PIWIL3: variants seen among roughly 807,000 people sequenced by gnomAD.
PIWIL3 encodes the protein piwi like RNA-mediated gene silencing 3, also known as piwi-like protein 3.
A neutral mutation model predicts 109.7 loss-of-function variants in PIWIL3; 101 were observed. The observed-to-expected ratio is 0.92, with a 90% CI of 0.78 to 1.09. PIWIL3 has a LOEUF of 1.09. PIWIL3 is among the 50% of genes least tolerant of loss of function. PIWIL3 has a pLI of 0.00. For missense variants in PIWIL3, 1,031 were observed against 1,072.6 expected (o/e 0.96, Z 0.54); for synonymous variants, 373 against 376.4 (o/e 0.99, Z 0.10).
At chr22:24,724,160 C>T (rs924058684) in intron 18 of PIWIL3, among the ~76,000 whole-genome samples, 2 of 152,162 alleles carry the variant, frequency 1.3e-5, no homozygotes, top group Non-Finnish European at 2.9e-5. Context: ...CTTCCCGGCG[C>T]TCCCCCACCC....
intron 9 of PIWIL3, 25 bp from the exon 10 acceptor site, chr22:24,749,844 A>G: frequency 6.2e-7 from 1 of 1,614,028 alleles, no homozygotes; most frequent in Non-Finnish European, 8.5e-7. Flanking sequence ...AGAGACCAGC[A>G]TGACCATCAG....
chr22:24,748,873 C>A lies in PIWIL3; in HGVS notation c.1449+34G>T, dbSNP rs373192936. ...TTTTTGCTTTACTCTTCATTTGACC[C>A]CACCATGACATGATGATTTTGAAAC... On this transcript the variant is annotated intron_variant, in intron 12 of 20. Coordinates refer to ENST00000616349, the MANE Select transcript of PIWIL3 (RefSeq NM_001255975.1). 110 of 1,527,030 alleles carry A rather than the reference C, an allele frequency of 7.2e-5. 1 individual carries two copies. Among genetic ancestry groups the A allele is most frequent in the Non-Finnish European group, 9.7e-5 (108 of 1,117,406 alleles). 94.6% of individuals were successfully genotyped at this position (1,527,030 alleles called of 1,614,324 possible). A position where few individuals can be genotyped will look rare whatever the true frequency, so the allele number is the denominator to read the frequency against.
chr22:24,770,634 C>A (rs1043690523), intron 1 of PIWIL3, among the ~76,000 whole-genome samples: 2 of 147,302 alleles, frequency 1.4e-5, no homozygotes, highest in Admixed American at 6.8e-5. Flanking sequence ...ACCAGCCTGG[C>A]CGACATGGTG....
Position 24,725,003 on chromosome 22 carries a change from C to T in PIWIL3, c.2115G>A (p.Ser705=), listed in dbSNP as rs148843024. The T allele has an allele frequency of 2.9e-5, 46 of 1,614,000 alleles. 1 individual carries two copies. The highest frequency in any genetic ancestry group is 1.6e-4 in the Middle Eastern group (1 of 6,084). The change falls in exon 18 of 21, where the codon TCG becomes TCA. Residue 705 remains serine, a synonymous_variant. Coordinates refer to ENST00000616349, the MANE Select transcript of PIWIL3 (RefSeq NM_001255975.1). ...GATACACAATAACAGAATGTGGCAT[C>T]GATGATTCGTTTTTACACCAGACAT... ...ALDVWCKNES[S]MPHSVIVYRD...
rs760486126 is a variant in PIWIL3, at chr22:24,743,191, C to T, written c.1449+5716G>A. Among the ~76,000 whole-genome samples, 75 of 151,904 alleles carry T rather than the reference C, an allele frequency of 4.9e-4. 1 individual carries two copies. Among genetic ancestry groups the T allele is most frequent in the Admixed American group, 2.2e-3 (34 of 15,262 alleles). ...CAACAATGGCAATTAAAAAAAAAAT[C>T]AAAAGACAGATGTTGACATGGATGT... On this transcript the variant is annotated intron_variant, in intron 12 of 20. Coordinates refer to ENST00000616349, the MANE Select transcript of PIWIL3 (RefSeq NM_001255975.1).
At chr22:24,733,689 C>G (rs535978746) in intron 14 of PIWIL3, among the ~76,000 whole-genome samples, 1 of 134,658 alleles carries the variant, frequency 7.4e-6, no homozygotes, top group Admixed American at 7.4e-5. Context: ...CAAAAACAAA[C>G]AAACAAACAA....
rs373353812 is a variant in PIWIL3 at position 24,724,886 on chromosome 22, C to T, written c.2231+1G>A. Reference sequence around the variant, plus strand: ...TACACATTACAATTAATACAACCTACTTGTTAGGAGAGATGGTTTTTAAGT... The same window carrying T: ...TACACATTACAATTAATACAACCTATTTGTTAGGAGAGATGGTTTTTAAGT... On this transcript the variant is annotated splice_donor_variant, in intron 18 of 20. Coordinates refer to ENST00000616349, the MANE Select transcript of PIWIL3 (RefSeq NM_001255975.1). LOFTEE classifies it high-confidence loss of function. 5 of 1,612,798 alleles carry T rather than the reference C, an allele frequency of 3.1e-6. No individual in the cohort carries two copies. In the African/African-American group the frequency reaches 5.3e-5, roughly 17 times the overall value.
At chr22:24,731,429 G>T (rs1923342384) in intron 14 of PIWIL3, among the ~76,000 whole-genome samples, 1 of 152,004 alleles carries the variant, frequency 6.6e-6, no homozygotes, top group African/African-American at 2.4e-5. Flanking sequence ...GAGGCGGGCA[G>T]ATCACAAGGT....
At chr22:24,759,767 C>T (rs1925302757) in intron 3 of PIWIL3, 102 bp downstream of exon 3, 21 of 1,539,954 alleles carry the variant, frequency 1.4e-5, no homozygotes, top group Non-Finnish European at 1.9e-5. Context: ...TCCCACCAAA[C>T]CTCACGGGAG....
chr22:24,745,717 GAAAAAA>G (rs71189273), intron 12 of PIWIL3, among the ~76,000 whole-genome samples: 1 of 80,252 alleles, frequency 1.2e-5, no homozygotes, highest in Non-Finnish European at 2.5e-5. Flanking sequence ...GTCAGACTAA[GAAAAAA>G]AAAAAAAAAA....
chr22:24,719,727 A>G, intron 20 of PIWIL3, 21 bp downstream of exon 20: 2 of 1,598,676 alleles, frequency 1.3e-6, no homozygotes. Context: ...TCTGAAGAAA[A>G]AAGTAACAAA....
chr22:24,728,473 A>G, intron 14 of PIWIL3, 99 bp from the exon 15 acceptor site: 1 of 1,382,178 alleles, frequency 7.2e-7, no homozygotes, highest in Non-Finnish European at 1.0e-6. Flanking sequence ...AAGACTAACA[A>G]GCTAGAGTCA....
intron 9 of PIWIL3, 124 bp downstream of exon 9, chr22:24,751,263 A>G: frequency 3.0e-6 from 3 of 991,940 alleles, no homozygotes; most frequent in Non-Finnish European, 4.4e-6. Context: ...AAGTCAAGCT[A>G]TAATCCCCTA....
chr22:24,765,436 G>A (rs979644805), intron 1 of PIWIL3, among the ~76,000 whole-genome samples: 3 of 152,214 alleles, frequency 2.0e-5, no homozygotes, highest in Admixed American at 1.3e-4. Context: ...TTTTGGTTCA[G>A]ACACCTGTTC....
intron 20 of PIWIL3, 60 bp downstream of exon 20, chr22:24,719,688 G>A: frequency 3.2e-6 from 5 of 1,563,642 alleles, no homozygotes; most frequent in Non-Finnish European, 4.4e-6. Context: ...GTCCAACATT[G>A]TTCAATGTTG....
At position 24,719,498 on chromosome 22, in the gene PIWIL3, A is replaced by C; in HGVS notation, c.2596T>G (p.Leu866Val). 1 of 1,596,370 alleles carries C rather than the reference A, an allele frequency of 6.3e-7. No homozygotes were observed. The highest frequency in any genetic ancestry group is 8.5e-7 in the Non-Finnish European group (1 of 1,173,966). ...CAAAGGTAAAAGAGACGAGTTGACAAGGAACGATTCGGTTCCTGGTGAATG... is the reference window on the plus strand; with the variant it reads ...CAAAGGTAAAAGAGACGAGTTGACACGGAACGATTCGGTTCCTGGTGAATG... ...QSIHQEPNRS[L>V]STRLFYL Residue 866 changes from leucine (L) to valine (V), a missense_variant, in exon 21 of 21, where the codon TTG becomes GTG. Coordinates refer to ENST00000616349, the MANE Select transcript of PIWIL3 (RefSeq NM_001255975.1).
At chr22:24,755,632 C>CAA in intron 6 of PIWIL3, 152 bp downstream of exon 6, 1 of 1,003,314 alleles carries the variant, frequency 1.0e-6, no homozygotes, top group Admixed American at 2.5e-5. Context: ...AGTTGAGCCT[C>CAA]AAGTATCATT....
Position 24,751,875 on chromosome 22 carries a change from T to C in PIWIL3, c.978-377A>G, listed in dbSNP as rs536658763. Among the ~76,000 whole-genome samples, 22 of 152,400 alleles carry C rather than the reference T, an allele frequency of 1.4e-4. No individual in the cohort carries two copies. The South Asian group carries it at 1.7e-3, about 11-fold the overall frequency. On this transcript the variant is annotated intron_variant, in intron 8 of 20. Transcript: ENST00000616349. ...GACTGGCTTCTTTCACTTAGCATCATGTTTAAGGTTCATCCATGCTGTAGT... is the reference window on the plus strand; with the variant it reads ...GACTGGCTTCTTTCACTTAGCATCACGTTTAAGGTTCATCCATGCTGTAGT...
intron 1 of PIWIL3, among the ~76,000 whole-genome samples, chr22:24,772,335 T>C (rs1926177917): frequency 6.6e-6 from 1 of 152,180 alleles, no homozygotes; most frequent in African/African-American, 2.4e-5. Context: ...AAATAGCAAC[T>C]TCTATGAGCA....
Sources: allele counts gnomAD v4.1 joint callset (sites outside exome capture counted in the v4.1 genomes callset), GRCh38; gene constraint gnomAD v4.1.1; transcripts MANE v1.5; gene names NCBI Gene and HGNC (gene_info 2026-07-23, HGNC 2026-07-21).